Variants in GRPEL1 observed in about 807,000 individuals in gnomAD.
The protein encoded by GRPEL1 is GrpE like 1, mitochondrial.
In GRPEL1, 13 loss-of-function variants were observed where a neutral mutation model predicts 22.1. The ratio of observed to expected loss-of-function variants is 0.59; its 90% confidence interval spans 0.38 to 0.94. GRPEL1 has a LOEUF of 0.94. Ranked by LOEUF, GRPEL1 falls within the 40% of genes least tolerant of loss-of-function variation. The pLI, the probability that GRPEL1 is intolerant of heterozygous loss-of-function variation, is 0.00. For synonymous variants in GRPEL1, 109 were observed against 105.3 expected (o/e 1.03, Z -0.21); for missense variants, 289 against 264.6 (o/e 1.09, Z -0.64).
chr4:7,065,433 G>C (rs981885289), intron 1 of GRPEL1, among the ~76,000 whole-genome samples: 4 of 151,478 alleles, frequency 2.6e-5, no homozygotes, highest in Admixed American at 1.3e-4. Flanking sequence ...AAAATCGCTT[G>C]AATCAGGGAG....
intron 2 of GRPEL1, among the ~76,000 whole-genome samples, chr4:7,062,965 C>T (rs1481726554): frequency 1.3e-5 from 2 of 152,180 alleles, no homozygotes; most frequent in Non-Finnish European, 2.9e-5. Flanking sequence ...ATAAAAGCTG[C>T]ACTCATGATC....
At chr4:7,064,791 G>A (rs1203263333) in intron 1 of GRPEL1, among the ~76,000 whole-genome samples, 1 of 152,090 alleles carries the variant, frequency 6.6e-6, no homozygotes, top group East Asian at 1.9e-4. Context: ...GAGCCACCGC[G>A]CCTGGCCTCT....
Position 7,058,944 on chromosome 4 carries a change from A to G in GRPEL1, c.*1918T>C, listed in dbSNP as rs569209290. On this transcript the variant is annotated 3_prime_UTR_variant, in exon 4 of 4. Coordinates refer to ENST00000264954, the MANE Select transcript of GRPEL1 (RefSeq NM_025196.4). Reference sequence around the variant, plus strand: ...TTTACTATGTTATGTTCAGATACACAGATACCATTGTGTTAACAGTTGCCT... The same window carrying G: ...TTTACTATGTTATGTTCAGATACACGGATACCATTGTGTTAACAGTTGCCT... 6.6e-6 allele frequency: 1 copy of G among 152,386 alleles called. No homozygotes were observed. The highest frequency in any genetic ancestry group is 1.9e-4 in the East Asian group (1 of 5,184). The allele number at this position is 152,386 out of a possible 1,614,324, so 9.4% of individuals were successfully genotyped here.
At chr4:7,066,604 T>C (rs777015495) in intron 1 of GRPEL1, among the ~76,000 whole-genome samples, 1 of 152,252 alleles carries the variant, frequency 6.6e-6, no homozygotes, top group Non-Finnish European at 1.5e-5. Flanking sequence ...AAATAAAAAC[T>C]GAGTGTACTG....
At chr4:7,067,064 C>T (rs1017354156) in intron 1 of GRPEL1, among the ~76,000 whole-genome samples, 1 of 152,218 alleles carries the variant, frequency 6.6e-6, no homozygotes, top group African/African-American at 2.4e-5. Context: ...ATCACCTAGA[C>T]TGAAAGTGAT....
At chr4:7,063,899 C>T (rs530908760) in intron 2 of GRPEL1, among the ~76,000 whole-genome samples, 162 bp downstream of exon 2, 1 of 152,340 alleles carries the variant, frequency 6.6e-6, no homozygotes, top group Non-Finnish European at 1.5e-5. Flanking sequence ...GGGTTTTAGT[C>T]TTTGCTTTGG....
chr4:7,060,853 C>T lies in GRPEL1; in HGVS notation c.*9G>A. 6.2e-7 allele frequency: 1 copy of T among 1,601,434 alleles called. No individual in the cohort carries two copies. Among genetic ancestry groups the T allele is most frequent in the South Asian group, 1.1e-5 (1 of 89,354 alleles). ...GTGAGTTTAAAAACACCCACCCCAT[C>T]AACAGCAGCTAAGCTTCCTTCACCA... is the stretch of plus-strand genomic sequence containing the variant. On this transcript the variant is annotated 3_prime_UTR_variant, in exon 4 of 4. Coordinates refer to ENST00000264954, the MANE Select transcript of GRPEL1 (RefSeq NM_025196.4).
intron 1 of GRPEL1, among the ~76,000 whole-genome samples, chr4:7,065,797 C>T (rs1414205018): frequency 6.6e-6 from 1 of 151,002 alleles, no homozygotes; most frequent in Non-Finnish European, 1.5e-5. Flanking sequence ...ACAAAGCCAT[C>T]AACGAATGAT....
At position 7,060,453 on chromosome 4, in the gene GRPEL1, G is replaced by A. The variant is rs1724013209; in HGVS notation, c.*409C>T. The stretch of plus-strand genomic sequence containing the variant: ...TCCTTCAGCGAATGAAATGTGACGG[G>A]CTAAATACGCCAGTCACTCATGCGC... On this transcript the variant is annotated 3_prime_UTR_variant, in exon 4 of 4. Coordinates refer to ENST00000264954, the MANE Select transcript of GRPEL1 (RefSeq NM_025196.4). The A allele has an allele frequency of 5.9e-6, 1 of 169,364 alleles. No individual in the cohort carries two copies. The highest frequency in any genetic ancestry group is 1.8e-4 in the South Asian group (1 of 5,478). 10.5% of individuals were successfully genotyped at this position (169,364 alleles called of 1,614,324 possible). A position where few individuals can be genotyped will look rare whatever the true frequency, so the allele number is the denominator to read the frequency against.
intron 2 of GRPEL1, among the ~76,000 whole-genome samples, chr4:7,063,741 C>CA (rs1353558561): frequency 6.6e-6 from 1 of 152,250 alleles, no homozygotes; most frequent in African/African-American, 2.4e-5. Context: ...CTTGTACTTG[C>CA]AATTTTCTGC....
At chr4:7,064,258 T>TA (rs1292822098) in intron 1 of GRPEL1, 35 bp from the exon 2 acceptor site, 1 of 1,582,600 alleles carries the variant, frequency 6.3e-7, no homozygotes. Flanking sequence ...AACGAAGACT[T>TA]AGTTTTTGTG....
intron 3 of GRPEL1, chr4:7,061,760 C>T (rs1478644867): frequency 6.4e-6 from 1 of 155,620 alleles, no homozygotes; most frequent in Non-Finnish European, 1.4e-5. Context: ...ATGAGCGCCT[C>T]AGTCTCTGTG....
intron 1 of GRPEL1, among the ~76,000 whole-genome samples, chr4:7,066,477 A>G (rs1724171086): frequency 6.6e-6 from 1 of 152,362 alleles, no homozygotes; most frequent in East Asian, 1.9e-4. Flanking sequence ...ACTTATTAAT[A>G]TCTTAGATCT....
chr4:7,061,143 C>G lies in GRPEL1; in HGVS notation c.373G>C (p.Val125Leu). 6.2e-7 allele frequency: 1 copy of G among 1,614,220 alleles called. No individual in the cohort carries two copies. Among genetic ancestry groups the G allele is most frequent in the Non-Finnish European group, 8.5e-7 (1 of 1,180,046 alleles). Residue 125 changes from valine to leucine, a missense_variant, in exon 4 of 4, where the codon GTT (valine) becomes CTT (leucine). Transcript: ENST00000264954. ...TCGTCTTTAATTTCTTCTTTTGGAA[C>G]ACACTGTGTTGCCTTCTCCAGAACG... is the stretch of plus-strand genomic sequence containing the variant. ...ADVLEKATQC[V>L]PKEEIKDDNP...
chr4:7,067,311 T>G (rs939976932), intron 1 of GRPEL1: 1 of 151,696 alleles, frequency 6.6e-6, no homozygotes, highest in Admixed American at 6.6e-5. Context: ...AAATGTGCCC[T>G]TGTCTAAACA....
rs755671653 is a variant in GRPEL1, at chr4:7,059,354, C to G, written c.*1508G>C. On this transcript the variant is annotated 3_prime_UTR_variant, in exon 4 of 4. Coordinates refer to ENST00000264954, the MANE Select transcript of GRPEL1 (RefSeq NM_025196.4). ...CAGCTGTAGTTGAGACGGTAGGAGA[C>G]TGCAAACATTCACAGAAATGAGTTG... The G allele has an allele frequency of 6.6e-6, 1 of 152,210 alleles. No homozygotes were observed. Among genetic ancestry groups the G allele is most frequent in the Non-Finnish European group, 1.5e-5 (1 of 68,036 alleles). The allele number at this position is 152,210 out of a possible 1,614,324, so 9.4% of individuals were successfully genotyped here.
chr4:7,064,284 T>C (rs1409533877), intron 1 of GRPEL1, 61 bp from the exon 2 acceptor site: 2 of 1,515,190 alleles, frequency 1.3e-6, no homozygotes, highest in Non-Finnish European at 1.8e-6. Flanking sequence ...TAAAGTCAGA[T>C]GTATGACTTT....
intron 1 of GRPEL1, chr4:7,067,558 A>T (rs1241845240): frequency 3.0e-5 from 7 of 233,974 alleles, no homozygotes; most frequent in Non-Finnish European, 4.2e-5. Context: ...TCGCTGCGTG[A>T]CCTTGGACAA....
Position 7,067,908 on chromosome 4 carries a change from G to A in GRPEL1, c.62+63C>T, listed in dbSNP as rs1024530264. On this transcript the variant is annotated intron_variant, in intron 1 of 3. Coordinates refer to ENST00000264954, the MANE Select transcript of GRPEL1 (RefSeq NM_025196.4). ...GGAAGGAGGCCCCGGGGCCGGGAAA[G>A]GCCCCCATCGGAGCGGGAGGTCGCG... 64 of 1,543,638 alleles carry A rather than the reference G, an allele frequency of 4.1e-5. No homozygotes were observed. The African/African-American group carries it at 7.9e-4, about 19-fold the overall frequency.
Sources: allele counts gnomAD v4.1 joint callset (sites outside exome capture counted in the v4.1 genomes callset), GRCh38; gene constraint gnomAD v4.1.1; transcripts MANE v1.5; gene names NCBI Gene and HGNC (gene_info 2026-07-23, HGNC 2026-07-21).